HRNR: variants seen among roughly 807,000 people sequenced by gnomAD.
The protein encoded by HRNR is hornerin.
Under a neutral mutation model 4.8 loss-of-function variants are expected in HRNR, and 7 were observed. The ratio of observed to expected loss-of-function variants is 1.47; its 90% confidence interval spans 0.83 to 2.75. The LOEUF is 2.75. Among genes scored for constraint, HRNR ranks in the 30% most tolerant of loss-of-function variants. HRNR has a pLI of 0.00. For missense variants in HRNR, 2,879 were observed against 3,010.4 expected (o/e 0.96, Z 1.02); for synonymous variants, 1,023 against 1,242.7 (o/e 0.82, Z 3.72).
In HRNR at chr1:152,219,641, C is replaced by T. The variant is rs745934882; in HGVS notation, c.1988G>A (p.Gly663Asp). 8 of 1,612,640 alleles carry T rather than the reference C, an allele frequency of 5.0e-6. No homozygotes were observed. The Admixed American group carries it at 8.3e-5, about 17-fold the overall frequency. ...GSGSGQSPSR[G>D]RHGSDFGHSS... The stretch of plus-strand genomic sequence containing the variant: ...GTGCCCAAAATCGGACCCATGTCGG[C>T]CGCGACTAGGAGACTGGCCAGATCC... The change falls in exon 3 of 3, where the codon GGC becomes GAC. Residue 663 changes from glycine to aspartate, a missense_variant. By Grantham distance (94) the Gly-to-Asp change is moderately conservative. This residue lies in a region of HRNR where 2,646 missense variants were observed against 1,377.7 expected (regional missense o/e 1.92). Coordinates refer to ENST00000368801, the MANE Select transcript of HRNR (RefSeq NM_001009931.3).
chr1:152,223,237 T>A lies in HRNR; in HGVS notation c.17A>T (p.Gln6Leu), dbSNP rs757066413. The change falls in exon 2 of 3, where the codon CAA (glutamine) becomes CTA (leucine). Residue 6 changes from glutamine (Q) to leucine (L), a missense_variant. Gln to Leu is a moderately radical substitution (Grantham distance 113, BLOSUM62 -2). This residue lies in a region of HRNR where 2,646 missense variants were observed against 1,377.7 expected (regional missense o/e 1.92). Coordinates refer to ENST00000368801, the MANE Select transcript of HRNR (RefSeq NM_001009931.3). The stretch of plus-strand genomic sequence containing the variant: ...AACATCGATGACAGTGATGACGCCT[T>A]GTAGGAGTTTAGGCATTTTTTTTTT... MPKLL[Q>L]GVITVIDVFY... The A allele has an allele frequency of 1.3e-6, 2 of 1,565,518 alleles. No individual in the cohort carries two copies. Among genetic ancestry groups the A allele is most frequent in the South Asian group, 2.3e-5 (2 of 88,072 alleles).
chr1:152,218,739 A>T lies in HRNR; in HGVS notation c.2890T>A (p.Ser964Thr). 2 of 1,613,798 alleles carry T rather than the reference A, an allele frequency of 1.2e-6. No individual in the cohort carries two copies. The highest frequency in any genetic ancestry group is 1.1e-5 in the South Asian group (1 of 91,050). The change falls in exon 3 of 3, where the codon TCA becomes ACA. Residue 964 changes from serine to threonine, a missense_variant. Ser to Thr is a moderately conservative substitution (Grantham distance 58). Coordinates refer to ENST00000368801, the MANE Select transcript of HRNR (RefSeq NM_001009931.3). Reference protein sequence around the residue: ...SSSYEQHGSRSGQSSRSEQHG... With the variant: ...SSSYEQHGSRTGQSSRSEQHG... ...TGTTCGCTCCTAGATGACTGTCCTG[A>T]CCTAGAGCCGTGTTGTTCGTAGCTG...
At position 152,212,296 on chromosome 1, in the gene HRNR, A is replaced by G. The variant is rs893481503; in HGVS notation, c.*780T>C. 1.3e-5 allele frequency: 2 copies of G among 152,210 alleles called. No individual in the cohort carries two copies. Among genetic ancestry groups the G allele is most frequent in the East Asian group, 3.8e-4 (2 of 5,198 alleles). 9.4% of individuals were successfully genotyped at this position (152,210 alleles called of 1,614,324 possible). The stretch of plus-strand genomic sequence containing the variant: ...TGTATTTCCATGGAATAACTCCTCA[A>G]TATATTTCCCAATATTGAGCAGCCT... On this transcript the variant is annotated 3_prime_UTR_variant, in exon 3 of 3. Transcript: ENST00000368801.
intron 2 of HRNR, among the ~76,000 whole-genome samples, chr1:152,222,359 T>C (rs899161112): frequency 1.3e-5 from 2 of 152,166 alleles, no homozygotes; most frequent in African/African-American, 4.8e-5. Flanking sequence ...TTGGGAACTA[T>C]TGAAGGATTT....
chr1:152,219,677 T>G lies in HRNR; in HGVS notation c.1952A>C (p.Gln651Pro). Residue 651 changes from glutamine to proline, a missense_variant, in exon 3 of 3, where the codon CAA (glutamine) becomes CCA (proline). Physicochemically the swap from Gln to Pro is moderately conservative, Grantham distance 76. This residue lies in a region of HRNR where 2,646 missense variants were observed against 1,377.7 expected (regional missense o/e 1.92). Coordinates refer to ENST00000368801, the MANE Select transcript of HRNR (RefSeq NM_001009931.3). Reference sequence around the variant, plus strand: ...AGACTGGCCAGATCCAGAGCCCTGTTGGCCATAGCGAGAAGACTGACTTGA... The same window carrying G: ...AGACTGGCCAGATCCAGAGCCCTGTGGGCCATAGCGAGAAGACTGACTTGA... ...SGSSQSSRYG[Q>P]QGSGSGQSPS... is the part of the protein sequence containing the mutation. 1 of 1,612,416 alleles carries G rather than the reference T, an allele frequency of 6.2e-7. No homozygotes were observed. Among genetic ancestry groups the G allele is most frequent in the Non-Finnish European group, 8.5e-7 (1 of 1,179,316 alleles).
chr1:152,212,807 A>C lies in HRNR; in HGVS notation c.*269T>G. 1.9e-6 allele frequency: 1 copy of C among 513,308 alleles called. No homozygotes were observed. Among genetic ancestry groups the C allele is most frequent in the Non-Finnish European group, 3.4e-6 (1 of 295,144 alleles). 31.8% of individuals were successfully genotyped at this position (513,308 alleles called of 1,614,324 possible). A position where few individuals can be genotyped will look rare whatever the true frequency, so the allele number is the denominator to read the frequency against. On this transcript the variant is annotated 3_prime_UTR_variant, in exon 3 of 3. Coordinates refer to ENST00000368801, the MANE Select transcript of HRNR (RefSeq NM_001009931.3). ...ACCCAAAGCTCTTTAAAAGCTTTTCATTATTCCTCAAAGTTTAACCCTCAT... is the reference window on the plus strand; with the variant it reads ...ACCCAAAGCTCTTTAAAAGCTTTTCCTTATTCCTCAAAGTTTAACCCTCAT...
Position 152,219,464 on chromosome 1 carries a change from T to C in HRNR, c.2165A>G (p.His722Arg). The change falls in exon 3 of 3, where the codon CAC becomes CGC. Residue 722 changes from histidine to arginine, a missense_variant. By Grantham distance (29) the His-to-Arg change is conservative. Coordinates refer to ENST00000368801, the MANE Select transcript of HRNR (RefSeq NM_001009931.3). ...GCCGTGTTTTCTGTAGCCGGAGGAG[T>C]GACTTGAGCCAGATCCATGCTGACT... Reference protein sequence around the residue: ...GYSQHGSGSSHSSGYRKHGSR... With the variant: ...GYSQHGSGSSRSSGYRKHGSR... 2 of 1,613,340 alleles carry C rather than the reference T, an allele frequency of 1.2e-6. No homozygotes were observed. The highest frequency in any genetic ancestry group is 1.7e-6 in the Non-Finnish European group (2 of 1,179,878).
chr1:152,213,332 G>T lies in HRNR; in HGVS notation c.8297C>A (p.Ser2766Tyr), dbSNP rs773639251. 1 of 707,514 alleles carries T rather than the reference G, an allele frequency of 1.4e-6. No individual in the cohort carries two copies. Among genetic ancestry groups the T allele is most frequent in the South Asian group, 1.6e-5 (1 of 64,250 alleles). 43.8% of individuals were successfully genotyped at this position (707,514 alleles called of 1,614,324 possible). Residue 2766 changes from serine to tyrosine, a missense_variant, in exon 3 of 3, where the codon TCT becomes TAT. Physicochemically the swap from Ser to Tyr is moderately radical, Grantham distance 144 (BLOSUM62 -2). This residue lies in a region of HRNR where 158 missense variants were observed against 107.6 expected (regional missense o/e 1.47). Transcript: ENST00000368801. ...TCGGCCGTGGCTAAGAGACTGGCCA[G>T]ATCCAGCCCCATGTCGGCCATAGCC... is the stretch of plus-strand genomic sequence containing the variant. ...SSGYGRHGAG[S>Y]GQSLSHGRHG...
In HRNR at chr1:152,212,792, C is replaced by A; in HGVS notation, c.*284G>T. ...GACAACTCCAACTAAACCCAAAGCT[C>A]TTTAAAAGCTTTTCATTATTCCTCA... On this transcript the variant is annotated 3_prime_UTR_variant, in exon 3 of 3. Coordinates refer to ENST00000368801, the MANE Select transcript of HRNR (RefSeq NM_001009931.3). 1 of 475,688 alleles carries A rather than the reference C, an allele frequency of 2.1e-6. No homozygotes were observed. Among genetic ancestry groups the A allele is most frequent in the East Asian group, 4.1e-5 (1 of 24,676 alleles). 29.5% of individuals were successfully genotyped at this position (475,688 alleles called of 1,614,324 possible).
Position 152,213,561 on chromosome 1 carries a change from G to A in HRNR, c.8068C>T (p.His2690Tyr). Reference protein sequence around the residue: ...SRGPYESRLGHSSVFGQHESG... With the variant: ...SRGPYESRLGYSSVFGQHESG... ...TCATGTTGACCAAAGACAGAAGAGTGACCCAAGCGAGACTCATATGGGCCA... is the reference window on the plus strand; with the variant it reads ...TCATGTTGACCAAAGACAGAAGAGTAACCCAAGCGAGACTCATATGGGCCA... Residue 2690 changes from histidine to tyrosine, a missense_variant, in exon 3 of 3, where the codon CAC (histidine) becomes TAC (tyrosine). His to Tyr is a moderately conservative substitution (Grantham distance 83). Around this residue, in one of 8 missense-constraint regions of HRNR, gnomAD observed 20 missense variants for 61.1 expected, o/e 0.33. Coordinates refer to ENST00000368801, the MANE Select transcript of HRNR (RefSeq NM_001009931.3). The A allele has an allele frequency of 1.6e-6, 2 of 1,286,874 alleles. No homozygotes were observed. Among genetic ancestry groups the A allele is most frequent in the Non-Finnish European group, 2.1e-6 (2 of 930,410 alleles). The allele number at this position is 1,286,874 out of a possible 1,614,324, so 79.7% of individuals were successfully genotyped here.
Position 152,213,186 on chromosome 1 carries a change from C to T in HRNR, c.8443G>A (p.Gly2815Arg). ...CTTCCCCCATCATGGTTACTTCCTC[C>T]TTTGCAATAAGAATACCCATCTTGC... ...SGQDGYSYCKGGSNHDGGSSG... is the reference protein window; with the variant it reads ...SGQDGYSYCKRGSNHDGGSSG... Residue 2815 changes from glycine (G) to arginine (R), a missense_variant, in exon 3 of 3, where the codon GGA becomes AGA. Coordinates refer to ENST00000368801, the MANE Select transcript of HRNR (RefSeq NM_001009931.3). 3 of 1,614,112 alleles carry T rather than the reference C, an allele frequency of 1.9e-6. No homozygotes were observed. The highest frequency in any genetic ancestry group is 2.5e-6 in the Non-Finnish European group (3 of 1,180,050).
chr1:152,223,093 C>A, intron 2 of HRNR, 23 bp downstream of exon 2: 1 of 1,610,996 alleles, frequency 6.2e-7, no homozygotes, highest in Non-Finnish European at 8.5e-7. Context: ...CTGCATAACT[C>A]CATCCTGGCG....
intron 2 of HRNR, among the ~76,000 whole-genome samples, chr1:152,222,064 G>T (rs1206846961): frequency 5.3e-5 from 8 of 152,148 alleles, no homozygotes; most frequent in Admixed American, 2.6e-4. Context: ...TCCTAGAAAG[G>T]TTAATGAGAG....
rs377423912 is a variant in HRNR at position 152,220,121 on chromosome 1, C to T, written c.1508G>A (p.Arg503Lys). ...TGCACTAGATCCTTGTCGTTCACCC[C>T]TAGATGACTGTCCTGACCTAGAGCC... Reference protein sequence around the residue: ...QHGSRSGQSSRGERQGSSAGS... With the variant: ...QHGSRSGQSSKGERQGSSAGS... Residue 503 changes from arginine to lysine, a missense_variant, in exon 3 of 3, where the codon AGG becomes AAG. Coordinates refer to ENST00000368801, the MANE Select transcript of HRNR (RefSeq NM_001009931.3). The T allele has an allele frequency of 4.0e-5, 65 of 1,613,284 alleles. 1 individual carries two copies. The South Asian group carries it at 6.7e-4, about 17-fold the overall frequency.
Position 152,220,435 on chromosome 1 carries a change from G to A in HRNR, c.1194C>T (p.Ser398=). 1.9e-6 allele frequency: 3 copies of A among 1,614,090 alleles called. No homozygotes were observed. Among genetic ancestry groups the A allele is most frequent in the Non-Finnish European group, 2.5e-6 (3 of 1,180,008 alleles). ...GQHGSSSRQS[S]SYGQHESASR... ...AGGCAGACTCATGCTGACCATAGCT[G>A]GAAGACTGACGTGAGCTGGAGCCAT... The change falls in exon 3 of 3, where the codon TCC becomes TCT. Residue 398 remains serine (S), a synonymous_variant. Coordinates refer to ENST00000368801, the MANE Select transcript of HRNR (RefSeq NM_001009931.3).
rs1212573438 is a variant in HRNR, at chr1:152,212,420, G to T, written c.*656C>A. The T allele has an allele frequency of 6.6e-6, 1 of 151,912 alleles. No individual in the cohort carries two copies. Among genetic ancestry groups the T allele is most frequent in the Admixed American group, 6.6e-5 (1 of 15,230 alleles). The allele number at this position is 151,912 out of a possible 1,614,324, so 9.4% of individuals were successfully genotyped here. A position where few individuals can be genotyped will look rare whatever the true frequency, so the allele number is the denominator to read the frequency against. ...GAAATGATAAATCCCTATTCTTTATGAAATAATGCTCTTGCTCACTGGCTT... is the reference window on the plus strand; with the variant it reads ...GAAATGATAAATCCCTATTCTTTATTAAATAATGCTCTTGCTCACTGGCTT... On this transcript the variant is annotated 3_prime_UTR_variant, in exon 3 of 3. Transcript: ENST00000368801.
Position 152,212,618 on chromosome 1 carries a change from C to CATGGGGCACACTAAAAA in HRNR, c.*457_*458insTTTTTAGTGTGCCCCAT, listed in dbSNP as rs1378780186. ...ATACCAAAAATTGGGACACACCAAA[C>CATGGGGCACACTAAAAA]TTGGGGCACACTAAAAATTAGGGTA... On this transcript the variant is annotated 3_prime_UTR_variant, in exon 3 of 3. Coordinates refer to ENST00000368801, the MANE Select transcript of HRNR (RefSeq NM_001009931.3). 1 of 174,844 alleles carries CATGGGGCACACTAAAAA rather than the reference C, an allele frequency of 5.7e-6. No homozygotes were observed. The highest frequency in any genetic ancestry group is 2.4e-5 in the African/African-American group (1 of 41,572). 10.8% of individuals were successfully genotyped at this position (174,844 alleles called of 1,614,324 possible).
Position 152,220,490 on chromosome 1 carries a change from G to C in HRNR, c.1139C>G (p.Thr380Arg), listed in dbSNP as rs566122590. The change falls in exon 3 of 3, where the codon ACG (threonine) becomes AGG (arginine). Residue 380 changes from threonine (T) to arginine (R), a missense_variant. Coordinates refer to ENST00000368801, the MANE Select transcript of HRNR (RefSeq NM_001009931.3). ...GCCAGAGCTTGATGCCTGCCCTGAC[G>C]TAGATCCATGTTGTCCCTGGCTAGA... ...HSSSQGQHGS[T>R]SGQASSSGQH... is the part of the protein sequence containing the mutation. The C allele has an allele frequency of 2.5e-5, 41 of 1,610,964 alleles. No individual in the cohort carries two copies. In the East Asian group the frequency reaches 6.5e-4, roughly 26 times the overall value.
rs769141866 is a variant in HRNR, at chr1:152,219,433, C to G, written c.2196G>C (p.Arg732Ser). The change falls in exon 3 of 3, where the codon AGG becomes AGC. Residue 732 changes from arginine to serine, a missense_variant. Physicochemically the swap from Arg to Ser is moderately radical, Grantham distance 110. Coordinates refer to ENST00000368801, the MANE Select transcript of HRNR (RefSeq NM_001009931.3). The stretch of plus-strand genomic sequence containing the variant: ...GTTCACTCCTAGATGACTGTCCTGA[C>G]CTAGAGCCGTGTTTTCTGTAGCCGG... Reference protein sequence around the residue: ...HSSGYRKHGSRSGQSSRSEQH... With the variant: ...HSSGYRKHGSSSGQSSRSEQH... 5.0e-6 allele frequency: 8 copies of G among 1,613,670 alleles called. No homozygotes were observed. In the Admixed American group the frequency reaches 5.0e-5, roughly 10 times the overall value.
Sources: allele counts gnomAD v4.1 joint callset (sites outside exome capture counted in the v4.1 genomes callset), GRCh38; gene constraint gnomAD v4.1.1; regional missense constraint gnomAD v4.1.1; transcripts MANE v1.5; gene names NCBI Gene and HGNC (gene_info 2026-07-23, HGNC 2026-07-21).